SSH1: variants seen among roughly 807,000 people sequenced by gnomAD.
SSH1 encodes slingshot protein phosphatase 1.
SSH1 carries 43 observed loss-of-function variants against 79.7 expected under a neutral mutation model. The observed-to-expected ratio is 0.54, with a 90% confidence interval of 0.42 to 0.70. The LOEUF is 0.70. SSH1 is among the 30% of genes least tolerant of loss of function. The pLI is 0.00. For missense variants in SSH1, 1,206 were observed against 1,358.8 expected (o/e 0.89, Z 1.77); for synonymous variants, 599 against 538.3 (o/e 1.11, Z -1.56).
At chr12:108,846,664 T>A (rs2038905543) in intron 2 of SSH1, among the ~76,000 whole-genome samples, 1 of 152,224 alleles carries the variant, frequency 6.6e-6, no homozygotes, top group Admixed American at 6.5e-5. Flanking sequence ...ACAACACTGC[T>A]TCCTCCAAGT....
intron 5 of SSH1, among the ~76,000 whole-genome samples, chr12:108,813,870 G>A (rs370845867): frequency 2.6e-5 from 4 of 152,124 alleles, no homozygotes; most frequent in South Asian, 2.1e-4. Flanking sequence ...TAGAATCCAC[G>A]ATTGAACCCT....
At chr12:108,832,467 A>C (rs2038497933) in intron 2 of SSH1, among the ~76,000 whole-genome samples, 1 of 152,200 alleles carries the variant, frequency 6.6e-6, no homozygotes, top group African/African-American at 2.4e-5. Context: ...AAGCAGCACC[A>C]TCTGACCTGC....
At chr12:108,811,216 C>G (rs774262996) in intron 6 of SSH1, 44 bp downstream of exon 6, 1 of 1,579,126 alleles carries the variant, frequency 6.3e-7, no homozygotes, top group East Asian at 2.2e-5. Flanking sequence ...GTTTTCAATG[C>G]CTACTACATA....
chr12:108,835,682 T>C (rs2038586518), intron 2 of SSH1, among the ~76,000 whole-genome samples: 6 of 151,810 alleles, frequency 4.0e-5, no homozygotes, highest in Admixed American at 2.0e-4. Flanking sequence ...GGCAAGCTTC[T>C]GAGTTGGGGA....
At chr12:108,833,438 A>G (rs981185279) in intron 2 of SSH1, among the ~76,000 whole-genome samples, 1 of 152,242 alleles carries the variant, frequency 6.6e-6, no homozygotes, top group Non-Finnish European at 1.5e-5. Flanking sequence ...AGACAGCTCA[A>G]AAATTCCGAG....
In SSH1 at chr12:108,823,377, C is replaced by G; in HGVS notation, c.111-16G>C. ...CTCACTTAAGCTGGGAAGGATAAGA[C>G]CAGAGCACAGTTAGACCGGAATTCA... On this transcript the variant is annotated splice_polypyrimidine_tract_variant and intron_variant, in intron 2 of 14. Transcript: ENST00000326495. 1.3e-6 allele frequency: 2 copies of G among 1,553,828 alleles called. No homozygotes were observed. The highest frequency in any genetic ancestry group is 2.4e-5 in the East Asian group (1 of 42,394).
intron 2 of SSH1, among the ~76,000 whole-genome samples, chr12:108,835,784 T>C (rs2038588796): frequency 6.6e-6 from 1 of 151,516 alleles, no homozygotes; most frequent in South Asian, 2.1e-4. Flanking sequence ...AGACAGAGAC[T>C]GCTCACAGGC....
intron 2 of SSH1, among the ~76,000 whole-genome samples, chr12:108,839,887 G>GT (rs2038734226): frequency 6.6e-6 from 1 of 152,122 alleles, no homozygotes; most frequent in Non-Finnish European, 1.5e-5. Context: ...TGGCCACTGG[G>GT]TATAGGCCAG....
Position 108,792,494 on chromosome 12 carries a change from C to T in SSH1, c.1685G>A (p.Gly562Glu). The T allele has an allele frequency of 1.2e-6, 2 of 1,614,216 alleles. No homozygotes were observed. The highest frequency in any genetic ancestry group is 8.5e-7 in the Non-Finnish European group (1 of 1,180,042). Residue 562 changes from glycine to glutamate, a missense_variant, in exon 14 of 15, where the codon GGA (glycine) becomes GAA (glutamate). Transcript: ENST00000326495. ...RPARQPQQGS[G>E]LCEKDVKKKL... ...CTTCTTCACATCCTTCTCACAGAGT[C>T]CGGAACCTTGCTGGGGCTGTCTGGC...
intron 7 of SSH1, among the ~76,000 whole-genome samples, chr12:108,809,472 C>T (rs1339755303): frequency 2.1e-5 from 3 of 140,912 alleles, no homozygotes; most frequent in East Asian, 4.2e-4. Flanking sequence ...AAAAAAAAAA[C>T]GAGAAACCCC....
Position 108,818,328 on chromosome 12 carries a change from A to T in SSH1, c.215-15T>A. ...AGGCAGATCACCTGTTGGACCAATAAAGAAAGCTTTAAAAGGTCTCTTACC... is the reference window on the plus strand; with the variant it reads ...AGGCAGATCACCTGTTGGACCAATATAGAAAGCTTTAAAAGGTCTCTTACC... On this transcript the variant is annotated splice_polypyrimidine_tract_variant and intron_variant, in intron 3 of 14. Transcript: ENST00000326495. 1 of 1,613,284 alleles carries T rather than the reference A, an allele frequency of 6.2e-7. No individual in the cohort carries two copies. The highest frequency in any genetic ancestry group is 8.5e-7 in the Non-Finnish European group (1 of 1,179,502).
At chr12:108,796,860 A>G (rs1202813625) in intron 13 of SSH1, among the ~76,000 whole-genome samples, 1 of 151,706 alleles carries the variant, frequency 6.6e-6, no homozygotes, top group Non-Finnish European at 1.5e-5. Flanking sequence ...CTCCTGCCTC[A>G]GCCTCCTGAG....
At chr12:108,815,211 G>A (rs2037829290) in intron 5 of SSH1, among the ~76,000 whole-genome samples, 1 of 152,220 alleles carries the variant, frequency 6.6e-6, no homozygotes, top group African/African-American at 2.4e-5. Context: ...CCACTAACCG[G>A]GATGACCCTG....
chr12:108,790,153 G>GTTT (rs34383501), intron 14 of SSH1, among the ~76,000 whole-genome samples: 2 of 143,572 alleles, frequency 1.4e-5, no homozygotes, highest in Non-Finnish European at 1.5e-5. Context: ...ATGGCTTCCA[G>GTTT]TTTTTTTTTT....
In SSH1 at chr12:108,857,504, G is replaced by A. The variant is rs944871662; in HGVS notation, c.-8C>T. On this transcript the variant is annotated 5_prime_UTR_variant, in exon 1 of 15. Coordinates refer to ENST00000326495, the MANE Select transcript of SSH1 (RefSeq NM_018984.4). This position sits in a 1 kb window ranked among gnomAD's most constrained non-coding sequence, Gnocchi z 4.7. ...CAGGGTCACCAGGGCCATGGCTGCG[G>A]CGCGGTGCGAGGGCGCCACAGACGT... 3.2e-5 allele frequency: 36 copies of A among 1,132,562 alleles called. No homozygotes were observed. The African/African-American group carries it at 5.0e-4, about 16-fold the overall frequency. The allele number at this position is 1,132,562 out of a possible 1,614,324, so 70.2% of individuals were successfully genotyped here. A position where few individuals can be genotyped will look rare whatever the true frequency, so the allele number is the denominator to read the frequency against.
rs2036196323 is a variant in SSH1, at chr12:108,783,828, C to G, written c.*4160G>C. On this transcript the variant is annotated 3_prime_UTR_variant, in exon 15 of 15. Transcript: ENST00000326495. ...AAAACAAGTGGCTGGGGACAGGGGTCATTCAACAACCTTCATTTGGTTTGC... is the reference window on the plus strand; with the variant it reads ...AAAACAAGTGGCTGGGGACAGGGGTGATTCAACAACCTTCATTTGGTTTGC... The G allele has an allele frequency of 6.6e-6, 1 of 152,288 alleles. No individual in the cohort carries two copies. The allele number at this position is 152,288 out of a possible 1,614,324, so 9.4% of individuals were successfully genotyped here.
rs2039084096 is a variant in SSH1, at chr12:108,853,446, C to G, written c.70-768G>C. The G allele has an allele frequency of 4.4e-6, 3 of 679,466 alleles. No individual in the cohort carries two copies. In the South Asian group the frequency reaches 2.0e-4, roughly 45 times the overall value. 42.1% of individuals were successfully genotyped at this position (679,466 alleles called of 1,614,324 possible). A position where few individuals can be genotyped will look rare whatever the true frequency, so the allele number is the denominator to read the frequency against. The stretch of plus-strand genomic sequence containing the variant: ...GACTTGGCATGTTTTTTATGTTGCA[C>G]AGAGGCGCCCATTGAATGGGAAAGA... On this transcript the variant is annotated intron_variant, in intron 1 of 14. Coordinates refer to ENST00000326495, the MANE Select transcript of SSH1 (RefSeq NM_018984.4).
intron 2 of SSH1, among the ~76,000 whole-genome samples, chr12:108,848,523 A>G (rs1407227631): frequency 6.6e-6 from 1 of 152,216 alleles, no homozygotes; most frequent in Non-Finnish European, 1.5e-5. Flanking sequence ...CCCCAAACAG[A>G]AAGCAACCAA....
intron 3 of SSH1, among the ~76,000 whole-genome samples, chr12:108,821,913 CT>C (rs2038136614): frequency 6.6e-6 from 1 of 152,178 alleles, no homozygotes; most frequent in Non-Finnish European, 1.5e-5. Flanking sequence ...GCCACAATAG[CT>C]GGTTGGTTTC....
Sources: allele counts gnomAD v4.1 joint callset (sites outside exome capture counted in the v4.1 genomes callset), GRCh38; gene constraint gnomAD v4.1.1; non-coding constraint Gnocchi (gnomAD v3.1); transcripts MANE v1.5; gene names NCBI Gene and HGNC (gene_info 2026-07-23, HGNC 2026-07-21).